PRUNE1: variants seen among roughly 807,000 people sequenced by gnomAD.
PRUNE1 encodes the protein prune exopolyphosphatase 1.
Under a neutral mutation model 42.5 loss-of-function variants are expected in PRUNE1, and 25 were observed. That is an observed-to-expected ratio of 0.59 (90% confidence interval 0.43 to 0.82). PRUNE1 has a LOEUF of 0.82. PRUNE1 is among the 40% of genes least tolerant of loss of function. The pLI, the probability that PRUNE1 is intolerant of heterozygous loss-of-function variation, is 0.00. For missense variants in PRUNE1, 443 were observed against 539.3 expected, an observed-to-expected ratio of 0.82 and a Z score of 1.77; for synonymous variants, 203 against 217.1, an observed-to-expected ratio of 0.93 and a Z score of 0.57.
Position 151,008,682 on chromosome 1 carries a change from C to T in PRUNE1, c.39+11C>T. The T allele has an allele frequency of 6.2e-7, 1 of 1,613,938 alleles. No individual in the cohort carries two copies. Among genetic ancestry groups the T allele is most frequent in the South Asian group, 1.1e-5 (1 of 91,074 alleles). Reference sequence around the variant, plus strand: ...CGAGCTGCTCTGCAGGTAACGAATCCCTGTCTGTGACTGTAAGGAATGGAG... The same window carrying T: ...CGAGCTGCTCTGCAGGTAACGAATCTCTGTCTGTGACTGTAAGGAATGGAG... On this transcript the variant is annotated intron_variant, in intron 1 of 7. Transcript: ENST00000271620.
chr1:151,014,471 C>G (rs1047141421), intron 1 of PRUNE1, among the ~76,000 whole-genome samples: 6 of 152,154 alleles, frequency 3.9e-5, no homozygotes, highest in Non-Finnish European at 7.4e-5. Context: ...CTGGATGGGG[C>G]AATTGATACC....
chr1:151,026,334 T>A, intron 5 of PRUNE1, among the ~76,000 whole-genome samples: 1 of 151,938 alleles, frequency 6.6e-6, no homozygotes, highest in East Asian at 1.9e-4. Flanking sequence ...GGTGTGTGCC[T>A]GTAATCCCAT....
chr1:151,009,634 A>G (rs938114093), intron 1 of PRUNE1, among the ~76,000 whole-genome samples: 4 of 152,162 alleles, frequency 2.6e-5, no homozygotes, highest in African/African-American at 7.2e-5. Flanking sequence ...AAACTCTACA[A>G]ATTCCCCTGA....
intron 4 of PRUNE1, among the ~76,000 whole-genome samples, 182 bp downstream of exon 4, chr1:151,024,977 G>T (rs587624470): frequency 1.3e-5 from 2 of 152,260 alleles, no homozygotes; most frequent in African/African-American, 4.8e-5. Flanking sequence ...TGGGATACTT[G>T]TTGGAGAAAG....
intron 1 of PRUNE1, among the ~76,000 whole-genome samples, chr1:151,017,092 CAAAA>C (rs34772866): frequency 1.2e-4 from 9 of 76,110 alleles, no homozygotes; most frequent in African/African-American, 4.0e-4. Flanking sequence ...AACTCCATCT[CAAAA>C]AAAAAAAAAA....
At chr1:151,011,128 G>A (rs1293069104) in intron 1 of PRUNE1, among the ~76,000 whole-genome samples, 2 of 152,146 alleles carry the variant, frequency 1.3e-5, no homozygotes, top group Admixed American at 6.5e-5. Context: ...GATTTAGACA[G>A]ATACACTCTT....
chr1:151,018,837 T>C (rs893540061), intron 3 of PRUNE1, among the ~76,000 whole-genome samples, 168 bp downstream of exon 3: 14 of 151,160 alleles, frequency 9.3e-5, no homozygotes, highest in African/African-American at 3.4e-4. Flanking sequence ...GAGATCAGGA[T>C]TTTGAGACCA....
At position 151,024,810 on chromosome 1, in the gene PRUNE1, T is replaced by G. The variant is rs1345963378; in HGVS notation, c.520+15T>G. ...CCTTCTGCATGGTAAGGGTGGCTTT[T>G]GGATTGGGACCTCAGTAGTTCTATT... On this transcript the variant is annotated intron_variant, in intron 4 of 7. Coordinates refer to ENST00000271620, the MANE Select transcript of PRUNE1 (RefSeq NM_021222.3). 1.3e-6 allele frequency: 2 copies of G among 1,599,572 alleles called. No homozygotes were observed. Among genetic ancestry groups the G allele is most frequent in the South Asian group, 2.2e-5 (2 of 89,610 alleles).
intron 1 of PRUNE1, among the ~76,000 whole-genome samples, chr1:151,011,672 G>T (rs587623738): frequency 1.3e-4 from 20 of 152,222 alleles, no homozygotes; most frequent in African/African-American, 4.8e-4. Context: ...ACTTTGCCAG[G>T]CCTAGAATCC....
intron 1 of PRUNE1, among the ~76,000 whole-genome samples, chr1:151,012,769 A>C (rs1673850767): frequency 6.6e-6 from 1 of 151,616 alleles, no homozygotes; most frequent in Non-Finnish European, 1.5e-5. Flanking sequence ...TATTATTCTC[A>C]TTTTTTTTGT....
At chr1:151,014,292 T>C (rs1673963147) in intron 1 of PRUNE1, among the ~76,000 whole-genome samples, 1 of 152,324 alleles carries the variant, frequency 6.6e-6, no homozygotes, top group South Asian at 2.1e-4. Flanking sequence ...TTCCAAACTC[T>C]TGAAGTAGAC....
intron 1 of PRUNE1, chr1:151,008,893 C>G (rs1558069942): frequency 1.4e-6 from 1 of 692,890 alleles, no homozygotes; most frequent in South Asian, 1.5e-5. Flanking sequence ...TTTTTGGCTC[C>G]CCGCCTTTGG....
chr1:151,015,702 G>T (rs587706955), intron 1 of PRUNE1, among the ~76,000 whole-genome samples: 17 of 152,004 alleles, frequency 1.1e-4, no homozygotes, highest in Middle Eastern at 3.4e-3. Context: ...TACTCAGGAG[G>T]CTGAGATGGG....
intron 7 of PRUNE1, among the ~76,000 whole-genome samples, chr1:151,029,733 A>C (rs1675124159): frequency 6.6e-6 from 1 of 152,030 alleles, no homozygotes; most frequent in Non-Finnish European, 1.5e-5. Context: ...GGGAAAAAAA[A>C]AAACAAAAAC....
intron 3 of PRUNE1, among the ~76,000 whole-genome samples, chr1:151,020,491 G>C (rs587599691): frequency 6.6e-6 from 1 of 151,714 alleles, no homozygotes; most frequent in African/African-American, 2.4e-5. Context: ...GGCCAGGTGT[G>C]GTGGCTCACA....
intron 7 of PRUNE1, among the ~76,000 whole-genome samples, chr1:151,029,817 G>C (rs948374275): frequency 7.9e-5 from 12 of 151,976 alleles, no homozygotes; most frequent in Admixed American, 2.0e-4. Flanking sequence ...AAATACGAGA[G>C]ACCTTTTCTG....
Position 151,008,452 on chromosome 1 carries a change from C to A in PRUNE1, c.-181C>A, listed in dbSNP as rs587760072. 1.9e-6 allele frequency: 2 copies of A among 1,074,602 alleles called. No homozygotes were observed. The highest frequency in any genetic ancestry group is 1.6e-5 in the African/African-American group (1 of 63,300). 66.6% of individuals were successfully genotyped at this position (1,074,602 alleles called of 1,614,324 possible). ...GGGCGACGCCGGACTCCGGAGCGCC[C>A]GCTTACGCAGTTCCTCCCGGGGTCG... On this transcript the variant is annotated 5_prime_UTR_variant, in exon 1 of 8. Transcript: ENST00000271620.
intron 7 of PRUNE1, among the ~76,000 whole-genome samples, chr1:151,031,283 C>T (rs1056932946): frequency 6.6e-6 from 1 of 151,486 alleles, no homozygotes; most frequent in Non-Finnish European, 1.5e-5. Flanking sequence ...CTCTGCCTCC[C>T]GGGTTCAAGC....
At chr1:151,024,574 T>C (rs1318068659) in intron 3 of PRUNE1, 37 bp from the exon 4 acceptor site, 1 of 1,549,990 alleles carries the variant, frequency 6.5e-7, no homozygotes, top group Non-Finnish European at 8.9e-7. Context: ...TCCGTACCTA[T>C]CTTTCTTCCT....
Sources: gnomAD v4.1 joint callset for allele counts (sites outside exome capture counted in the v4.1 genomes callset) on GRCh38, gnomAD v4.1.1 for gene constraint, MANE v1.5 for transcripts, NCBI Gene and HGNC (gene_info 2026-07-23, HGNC 2026-07-21) for gene names.